CPNE8: variants seen among roughly 807,000 people sequenced by gnomAD.
CPNE8 encodes the protein copine-8.
In CPNE8, 45 loss-of-function variants were observed where a neutral mutation model predicts 81.5. That is an observed-to-expected ratio of 0.55 (90% CI 0.44 to 0.71). The LOEUF (loss-of-function observed/expected upper bound fraction) is 0.71. CPNE8 is among the 30% of genes least tolerant of loss of function. The pLI is 0.00. For missense variants in CPNE8, 594 were observed against 672.1 expected, an observed-to-expected ratio of 0.88 and a Z score of 1.28; for synonymous variants, 252 against 226.3, an observed-to-expected ratio of 1.11 and a Z score of -1.02.
intron 3 of CPNE8, among the ~76,000 whole-genome samples, chr12:38,849,002 T>C (rs1041513931): frequency 1.3e-5 from 2 of 152,180 alleles, no homozygotes. Context: ...ACCTTGTATA[T>C]AAGAAGGCCA....
intron 6 of CPNE8, among the ~76,000 whole-genome samples, chr12:38,777,097 C>T (rs898558908): frequency 6.6e-6 from 1 of 150,692 alleles, no homozygotes; most frequent in African/African-American, 2.4e-5. Flanking sequence ...CAAAAGAAGG[C>T]ACTGTTATCA....
chr12:38,669,051 C>CA (rs34724194), intron 19 of CPNE8, among the ~76,000 whole-genome samples: 2,464 of 148,812 alleles, frequency 0.017, 63 homozygotes, highest in African/African-American at 0.058. Flanking sequence ...GACTCTGCCT[C>CA]AAAAAAAAAA....
intron 3 of CPNE8, among the ~76,000 whole-genome samples, chr12:38,854,027 T>C (rs1253536655): frequency 6.6e-6 from 1 of 152,054 alleles, no homozygotes; most frequent in African/African-American, 2.4e-5. Context: ...TATAATTAAA[T>C]CTTAGTAGCC....
intron 3 of CPNE8, among the ~76,000 whole-genome samples, chr12:38,872,591 T>C (rs975323316): frequency 2.0e-5 from 3 of 152,234 alleles, no homozygotes; most frequent in Non-Finnish European, 2.9e-5. Context: ...TTCTACTTTA[T>C]TTTTAAATAT....
chr12:38,661,094 C>T (rs370710264), intron 19 of CPNE8, among the ~76,000 whole-genome samples: 2 of 152,262 alleles, frequency 1.3e-5, no homozygotes, highest in East Asian at 1.9e-4. Context: ...TTGACCCAGC[C>T]ATCCCATTAC....
chr12:38,759,348 A>G (rs1344983623), intron 10 of CPNE8, among the ~76,000 whole-genome samples: 1 of 152,218 alleles, frequency 6.6e-6, no homozygotes, highest in African/African-American at 2.4e-5. Flanking sequence ...CTTTACTCAG[A>G]TTGGCATTAT....
In CPNE8 at chr12:38,882,592, T is replaced by C. The variant is rs139856014; in HGVS notation, c.99-8081A>G. Among the ~76,000 whole-genome samples, 116 of 152,220 alleles carry C rather than the reference T, an allele frequency of 7.6e-4. 1 individual carries two copies. The East Asian group carries it at 0.019, about 25-fold the overall frequency. On this transcript the variant is annotated intron_variant, in intron 1 of 19. Coordinates refer to ENST00000331366, the MANE Select transcript of CPNE8 (RefSeq NM_153634.3). ...CCAAGCAAGACGCCTCAGTAACAGGTCATCTTGTCTCCCATATCCCAGTTC... is the reference window on the plus strand; with the variant it reads ...CCAAGCAAGACGCCTCAGTAACAGGCCATCTTGTCTCCCATATCCCAGTTC...
At chr12:38,672,555 T>G (rs1476525511) in intron 18 of CPNE8, among the ~76,000 whole-genome samples, 1 of 152,210 alleles carries the variant, frequency 6.6e-6, no homozygotes, top group African/African-American at 2.4e-5. Flanking sequence ...TTGCATTTCT[T>G]TCTAGCCATG....
intron 1 of CPNE8, among the ~76,000 whole-genome samples, chr12:38,891,194 G>C (rs1170119349): frequency 6.6e-6 from 1 of 151,972 alleles, no homozygotes; most frequent in Admixed American, 6.6e-5. Context: ...GCCTCGCAAA[G>C]TGCTGCGATT....
At chr12:38,660,598 A>C (rs1322903274) in intron 19 of CPNE8, among the ~76,000 whole-genome samples, 1 of 152,206 alleles carries the variant, frequency 6.6e-6, no homozygotes. Flanking sequence ...ATGGTAACAC[A>C]AGCCAAAATT....
At chr12:38,733,635 C>T (rs1259563165) in intron 10 of CPNE8, among the ~76,000 whole-genome samples, 4 of 151,858 alleles carry the variant, frequency 2.6e-5, no homozygotes, top group African/African-American at 9.7e-5. Context: ...ACTCCAGTGC[C>T]ATTTATCTGG....
chr12:38,806,714 A>T (rs1328774917), intron 6 of CPNE8, among the ~76,000 whole-genome samples: 1 of 141,558 alleles, frequency 7.1e-6, no homozygotes. Context: ...GCCCTCTCTC[A>T]CCACTCCTAT....
intron 19 of CPNE8, among the ~76,000 whole-genome samples, chr12:38,661,653 C>T (rs142571164): frequency 2.0e-5 from 3 of 151,900 alleles, no homozygotes; most frequent in East Asian, 1.9e-4. Context: ...AAATGTATTC[C>T]ACAAGGCCAG....
At chr12:38,730,442 A>G (rs1489744171) in intron 10 of CPNE8, 84 bp from the exon 11 acceptor site, 3 of 670,504 alleles carry the variant, frequency 4.5e-6, no homozygotes, top group African/African-American at 1.8e-5. Flanking sequence ...AGGTTTAATC[A>G]TTATCAAAAA....
At position 38,832,946 on chromosome 12, in the gene CPNE8, C is replaced by T. The variant is rs576911602; in HGVS notation, c.331-3491G>A. Among the ~76,000 whole-genome samples the T allele has an allele frequency of 9.9e-5, 15 of 152,120 alleles. 1 individual carries two copies. Among genetic ancestry groups the T allele is most frequent in the South Asian group, 8.3e-4 (4 of 4,804 alleles). On this transcript the variant is annotated intron_variant, in intron 5 of 19. Transcript: ENST00000331366. ...AAACCAAAATGCTAAATCCAACCTC[C>T]GAGAGATAATACAAAGTTCTAAATT...
At chr12:38,818,462 T>C in intron 6 of CPNE8, among the ~76,000 whole-genome samples, 1 of 152,316 alleles carries the variant, frequency 6.6e-6, no homozygotes, top group East Asian at 1.9e-4. Context: ...GGACATAAAC[T>C]CATCCTTTTT....
intron 4 of CPNE8, among the ~76,000 whole-genome samples, chr12:38,847,435 G>T (rs1303525523): frequency 6.6e-6 from 1 of 152,064 alleles, no homozygotes; most frequent in African/African-American, 2.4e-5. Context: ...TTTTTTAGTG[G>T]CAACGCTATG....
intron 6 of CPNE8, among the ~76,000 whole-genome samples, chr12:38,789,766 C>A (rs1323078088): frequency 1.3e-5 from 2 of 151,676 alleles, no homozygotes; most frequent in African/African-American, 4.8e-5. Flanking sequence ...AATCTAATAA[C>A]CTCATTGAAA....
chr12:38,673,481 T>C (rs935012457), intron 18 of CPNE8, among the ~76,000 whole-genome samples: 2 of 152,104 alleles, frequency 1.3e-5, no homozygotes, highest in African/African-American at 4.8e-5. Flanking sequence ...GAGTTTAATA[T>C]AGAAATTTTT....
Sources: allele counts gnomAD v4.1 joint callset (sites outside exome capture counted in the v4.1 genomes callset), GRCh38; gene constraint gnomAD v4.1.1; transcripts MANE v1.5; gene names NCBI Gene and HGNC (gene_info 2026-07-23, HGNC 2026-07-21).